The following DOCK2 variants were observed in gnomAD, a reference collection of about 807,000 sequenced individuals.
DOCK2 encodes the protein dedicator of cytokinesis protein 2.
A neutral mutation model predicts 248.9 loss-of-function variants in DOCK2; 87 were observed. That is an observed-to-expected ratio of 0.35 (90% CI 0.29 to 0.42). The LOEUF is 0.42. Ranked by LOEUF, DOCK2 falls within the 10% of genes least tolerant of loss-of-function variation. DOCK2 has a pLI of 1.00. For synonymous variants in DOCK2, 805 were observed against 821.6 expected (o/e 0.98, Z 0.35); for missense variants, 1,747 against 2,300.2 (o/e 0.76, Z 4.92).
At chr5:170,066,040 C>T (rs1479559312) in intron 44 of DOCK2, among the ~76,000 whole-genome samples, 1 of 151,620 alleles carries the variant, frequency 6.6e-6, no homozygotes, top group Non-Finnish European at 1.5e-5. Flanking sequence ...CAAGCTCCGC[C>T]TCCTGGGCTC....
chr5:169,734,224 G>A (rs1005828955), intron 22 of DOCK2, among the ~76,000 whole-genome samples: 42 of 151,532 alleles, frequency 2.8e-4, no homozygotes, highest in Non-Finnish European at 6.2e-4. Flanking sequence ...ACTCCATTTT[G>A]TTCTTTTTCA....
intron 14 of DOCK2, among the ~76,000 whole-genome samples, chr5:169,705,903 A>G (rs1188655349): frequency 2.0e-5 from 3 of 152,236 alleles, no homozygotes; most frequent in African/African-American, 4.8e-5. Flanking sequence ...ATTTTCTTCA[A>G]CTGACCTGAA....
intron 27 of DOCK2, among the ~76,000 whole-genome samples, chr5:169,899,792 G>A (rs1773815883): frequency 6.6e-6 from 1 of 152,082 alleles, no homozygotes; most frequent in Non-Finnish European, 1.5e-5. Context: ...TCACAGTGTT[G>A]TGCCTTTTGT....
chr5:169,692,840 G>A lies in DOCK2; in HGVS notation c.844-2963G>A, dbSNP rs576767428. Among the ~76,000 whole-genome samples the A allele has an allele frequency of 4.6e-5, 7 of 152,254 alleles. No individual in the cohort carries two copies. In the East Asian group the frequency reaches 5.8e-4, roughly 13 times the overall value. On this transcript the variant is annotated intron_variant, in intron 9 of 51. Coordinates refer to ENST00000520908, the MANE Select transcript of DOCK2 (RefSeq NM_004946.3). ...ACTGTCTTCTCCCTGAGTCTTCACCGTGGTCTTCTCTCTGTGTTTGTCTGT... is the reference window on the plus strand; with the variant it reads ...ACTGTCTTCTCCCTGAGTCTTCACCATGGTCTTCTCTCTGTGTTTGTCTGT...
In DOCK2 at chr5:169,711,990, A is replaced by G. The variant is rs1444258253; in HGVS notation, c.1538A>G (p.His513Arg). 6.2e-7 allele frequency: 1 copy of G among 1,614,128 alleles called. No individual in the cohort carries two copies. Among genetic ancestry groups the G allele is most frequent in the Non-Finnish European group, 8.5e-7 (1 of 1,179,976 alleles). The change falls in exon 16 of 52, where the codon CAT becomes CGT. Residue 513 changes from histidine to arginine, a missense_variant. Around this residue, in one of 4 missense-constraint regions of DOCK2, gnomAD observed 858 missense variants for 1,183.5 expected, o/e 0.72. Coordinates refer to ENST00000520908, the MANE Select transcript of DOCK2 (RefSeq NM_004946.3). ...ATCCATCTGCGATTCATGTTTCGAC[A>G]TCGGTCATCTCTGGAATGTGAGTAC... is the stretch of plus-strand genomic sequence containing the variant. The part of the protein sequence containing the change: ...QRIHLRFMFR[H>R]RSSLESKDKG...
intron 27 of DOCK2, chr5:169,882,905 A>G (rs1442144006): frequency 1.9e-6 from 3 of 1,551,848 alleles, no homozygotes; most frequent in Admixed American, 3.9e-5. Flanking sequence ...TTGTTACTTG[A>G]TGAAGGACAG....
chr5:169,817,307 C>T (rs1768125013), intron 26 of DOCK2, among the ~76,000 whole-genome samples: 1 of 152,210 alleles, frequency 6.6e-6, no homozygotes, highest in Admixed American at 6.5e-5. Flanking sequence ...ACAAGCCTAA[C>T]ACTTTTTGTT....
At chr5:169,884,186 C>A in intron 27 of DOCK2, 1 of 259,878 alleles carries the variant, frequency 3.8e-6, no homozygotes. Context: ...AACATCTGAT[C>A]TACCAAGAGA....
chr5:169,737,867 T>C (rs1763119855), intron 22 of DOCK2, among the ~76,000 whole-genome samples: 1 of 152,180 alleles, frequency 6.6e-6, no homozygotes, highest in African/African-American at 2.4e-5. Flanking sequence ...TTTCCCTGAG[T>C]TCTGTGAGCA....
intron 27 of DOCK2, among the ~76,000 whole-genome samples, chr5:169,955,460 C>G (rs1222587413): frequency 2.0e-5 from 3 of 152,192 alleles, no homozygotes; most frequent in Non-Finnish European, 2.9e-5. Flanking sequence ...TGCTGTCACT[C>G]TGAGTCTCCT....
chr5:169,981,276 C>T (rs1481123509), intron 27 of DOCK2, among the ~76,000 whole-genome samples: 1 of 152,160 alleles, frequency 6.6e-6, no homozygotes, highest in Non-Finnish European at 1.5e-5. Context: ...CAAAAGGCTT[C>T]CTGTTTCTCT....
chr5:169,645,617 A>C (rs2113116740), intron 1 of DOCK2, among the ~76,000 whole-genome samples: 1 of 152,324 alleles, frequency 6.6e-6, no homozygotes, highest in South Asian at 2.1e-4. Flanking sequence ...GAAACTCTTC[A>C]GTTTAATTAG....
At chr5:169,689,158 G>A in intron 8 of DOCK2, 94 bp from the exon 9 acceptor site, 1 of 1,178,684 alleles carries the variant, frequency 8.5e-7, no homozygotes. Context: ...CAGCCAGTAT[G>A]GTGTTGGGCA....
At chr5:169,713,312 T>C (rs1271954221) in intron 17 of DOCK2, among the ~76,000 whole-genome samples, 1 of 152,202 alleles carries the variant, frequency 6.6e-6, no homozygotes, top group Non-Finnish European at 1.5e-5. Flanking sequence ...GTCTGCTTCA[T>C]ATGTTTGTTA....
intron 14 of DOCK2, among the ~76,000 whole-genome samples, chr5:169,704,367 T>C (rs1415908109): frequency 3.9e-5 from 6 of 152,202 alleles, no homozygotes; most frequent in Non-Finnish European, 7.3e-5. Flanking sequence ...GCATGCACAC[T>C]GTCTTTGGCA....
intron 28 of DOCK2, 92 bp from the exon 29 acceptor site, chr5:169,985,736 C>A: frequency 9.4e-7 from 1 of 1,059,364 alleles, no homozygotes; most frequent in Admixed American, 2.4e-5. Flanking sequence ...TTTCCTCCCT[C>A]CAAAATATAA....
intron 32 of DOCK2, among the ~76,000 whole-genome samples, chr5:170,012,023 A>T (rs1162243711): frequency 6.6e-6 from 1 of 152,148 alleles, no homozygotes; most frequent in African/African-American, 2.4e-5. Context: ...ATCTAATTCA[A>T]CCCTGCCGAT....
intron 27 of DOCK2, chr5:169,864,116 A>G: frequency 4.5e-6 from 3 of 667,308 alleles, no homozygotes; most frequent in South Asian, 3.8e-5. Context: ...GGTGTCCAGC[A>G]GCGGCTACAT....
chr5:169,969,837 G>A (rs1473442534), intron 27 of DOCK2, among the ~76,000 whole-genome samples: 5 of 152,262 alleles, frequency 3.3e-5, no homozygotes, highest in Non-Finnish European at 5.9e-5. Context: ...GCTCTCTTCA[G>A]GGGGCAGCTC....
Sources: allele counts gnomAD v4.1 joint callset (sites outside exome capture counted in the v4.1 genomes callset), GRCh38; gene constraint gnomAD v4.1.1; regional missense constraint gnomAD v4.1.1; transcripts MANE v1.5; gene names NCBI Gene and HGNC (gene_info 2026-07-23, HGNC 2026-07-21).